Variants in WDR37 observed in about 807,000 individuals in gnomAD.
WDR37 encodes WD repeat domain 37.
In WDR37, 19 loss-of-function variants were observed where a neutral mutation model predicts 62.9. That is an observed-to-expected ratio of 0.30 (90% CI 0.21 to 0.44). WDR37 has a LOEUF of 0.44. Ranked by LOEUF, WDR37 falls within the 20% of genes least tolerant of loss-of-function variation. The pLI is 1.00. For missense variants in WDR37, 474 were observed against 657.6 expected (o/e 0.72, Z 3.05); for synonymous variants, 250 against 260.9 (o/e 0.96, Z 0.40).
At chr10:1,128,831 A>G (rs568429279) in intron 13 of WDR37, among the ~76,000 whole-genome samples, 3 of 146,026 alleles carry the variant, frequency 2.1e-5, no homozygotes, top group African/African-American at 7.8e-5. Context: ...TCGGCGGTCC[A>G]TGCTCGGTGG....
intron 1 of WDR37, among the ~76,000 whole-genome samples, chr10:1,069,389 A>ATATATATATATATTTTTTTTTTTT: frequency 7.3e-5 from 7 of 95,798 alleles, no homozygotes; most frequent in African/African-American, 3.3e-4. Flanking sequence ...ATATATATAT[A>ATATATATATATATTTTTTTTTTTT]TTTTTTTTTT....
intron 11 of WDR37, among the ~76,000 whole-genome samples, chr10:1,120,545 C>T (rs946789686): frequency 6.6e-6 from 1 of 152,132 alleles, no homozygotes; most frequent in Non-Finnish European, 1.5e-5. Context: ...CACAGTGCTG[C>T]CTGTTTCACA....
At chr10:1,083,711 C>T (rs1212612616) in intron 5 of WDR37, among the ~76,000 whole-genome samples, 5 of 152,202 alleles carry the variant, frequency 3.3e-5, no homozygotes, top group Non-Finnish European at 4.4e-5. Flanking sequence ...TCATTCGAGA[C>T]GATGCCTTTC....
intron 13 of WDR37, among the ~76,000 whole-genome samples, chr10:1,127,732 T>TCTCTGTGACGTGGAGGCTCACGGGGC (rs1835841789): frequency 6.6e-6 from 1 of 151,486 alleles, no homozygotes. Flanking sequence ...GCTCACGGAG[T>TCTCTGTGACGTGGAGGCTCACGGGGC]GTGAGGGTCC....
chr10:1,120,409 G>C (rs1589123038), intron 11 of WDR37, among the ~76,000 whole-genome samples: 1 of 152,244 alleles, frequency 6.6e-6, no homozygotes, highest in Non-Finnish European at 1.5e-5. Flanking sequence ...GCTTATTGGG[G>C]TGTCCTTTGG....
intron 7 of WDR37, among the ~76,000 whole-genome samples, chr10:1,091,425 T>C (rs1263952720): frequency 1.3e-5 from 2 of 152,226 alleles, no homozygotes; most frequent in Non-Finnish European, 2.9e-5. Context: ...ATCTGTATTT[T>C]AATATTAATA....
intron 1 of WDR37, among the ~76,000 whole-genome samples, chr10:1,069,389 A>ATATATATATATTTTTTTCTTTTTTT: frequency 1.0e-5 from 1 of 95,806 alleles, no homozygotes; most frequent in African/African-American, 4.7e-5. Flanking sequence ...ATATATATAT[A>ATATATATATATTTTTTTCTTTTTTT]TTTTTTTTTT....
chr10:1,087,665 T>C (rs1339457377), intron 7 of WDR37, among the ~76,000 whole-genome samples: 1 of 152,246 alleles, frequency 6.6e-6, no homozygotes, highest in African/African-American at 2.4e-5. Flanking sequence ...TCAGATGTAC[T>C]GTCATCCATG....
At chr10:1,112,940 G>T (rs1293749942) in intron 11 of WDR37, among the ~76,000 whole-genome samples, 1 of 152,268 alleles carries the variant, frequency 6.6e-6, no homozygotes, top group East Asian at 1.9e-4. Context: ...TTCTCCAGAA[G>T]ATCCAGCTGG....
chr10:1,059,582 A>G (rs1251254324), intron 1 of WDR37, among the ~76,000 whole-genome samples: 1 of 151,970 alleles, frequency 6.6e-6, no homozygotes, highest in Admixed American at 6.5e-5. Flanking sequence ...GTGAATCATG[A>G]GGTCAGGAGT....
At chr10:1,074,465 G>T in intron 2 of WDR37, 1 of 1,304,460 alleles carries the variant, frequency 7.7e-7, no homozygotes, top group Non-Finnish European at 1.0e-6. Flanking sequence ...GAGCTCATTT[G>T]TTCAATGAGC....
At chr10:1,117,780 G>A (rs1437836509) in intron 11 of WDR37, among the ~76,000 whole-genome samples, 2 of 152,226 alleles carry the variant, frequency 1.3e-5, no homozygotes, top group African/African-American at 2.4e-5. Flanking sequence ...ACCATGCTGT[G>A]TGCATGGCCA....
Position 1,060,986 on chromosome 10 carries a change from G to A in WDR37, c.-41+4018G>A, listed in dbSNP as rs537585478. On this transcript the variant is annotated intron_variant, in intron 1 of 13. Coordinates refer to ENST00000263150, the MANE Select transcript of WDR37 (RefSeq NM_014023.4). ...CTAGCTTTGTGTAAGTGTACTCTGC[G>A]ATGTTCCCACAGTGACGAAATCACG... Among the ~76,000 whole-genome samples the A allele has an allele frequency of 7.2e-5, 11 of 152,266 alleles. 1 individual carries two copies. The highest frequency in any genetic ancestry group is 1.7e-4 in the African/African-American group (7 of 41,546).
At chr10:1,072,578 T>C (rs1833762133) in intron 2 of WDR37, among the ~76,000 whole-genome samples, 1 of 152,162 alleles carries the variant, frequency 6.6e-6, no homozygotes, top group South Asian at 2.1e-4. Context: ...CCTCCCAAAG[T>C]GTTAGGATTA....
chr10:1,126,476 C>G (rs996793729), intron 13 of WDR37, among the ~76,000 whole-genome samples: 94 of 152,282 alleles, frequency 6.2e-4, no homozygotes, highest in Non-Finnish European at 3.8e-4. Flanking sequence ...TGGAGGCCCC[C>G]CCAGAGGATC....
At chr10:1,066,465 T>A (rs1373902041) in intron 1 of WDR37, among the ~76,000 whole-genome samples, 1 of 152,124 alleles carries the variant, frequency 6.6e-6, no homozygotes, top group African/African-American at 2.4e-5. Context: ...GAAAGTAAGA[T>A]CTAAATAAAT....
chr10:1,078,081 A>G (rs1294013607), intron 3 of WDR37, 78 bp downstream of exon 3: 7 of 1,124,064 alleles, frequency 6.2e-6, no homozygotes, highest in Middle Eastern at 2.9e-4. Context: ...ATTCATCACT[A>G]TATTAGTTTT....
intron 13 of WDR37, among the ~76,000 whole-genome samples, chr10:1,125,349 G>T (rs766419825): frequency 1.3e-5 from 2 of 151,910 alleles, no homozygotes; most frequent in Admixed American, 1.3e-4. Flanking sequence ...TCAATCTCCC[G>T]AGTAGCTGAG....
At chr10:1,127,651 G>A (rs1182831488) in intron 13 of WDR37, among the ~76,000 whole-genome samples, 1 of 152,228 alleles carries the variant, frequency 6.6e-6, no homozygotes, top group Admixed American at 6.5e-5. Context: ...GAGGTCCGGG[G>A]TCAGGGTTCC....
Sources: allele counts gnomAD v4.1 joint callset (sites outside exome capture counted in the v4.1 genomes callset), GRCh38; gene constraint gnomAD v4.1.1; transcripts MANE v1.5; gene names NCBI Gene and HGNC (gene_info 2026-07-23, HGNC 2026-07-21).